Variants in TMEM132B observed in about 807,000 individuals in gnomAD.
TMEM132B encodes the protein transmembrane protein 132B.
Under a neutral mutation model 90.8 loss-of-function variants are expected in TMEM132B, and 18 were observed. The ratio of observed to expected loss-of-function variants is 0.20; its 90% CI spans 0.14 to 0.29. The LOEUF is 0.29. Ranked by LOEUF, TMEM132B falls within the 10% of genes least tolerant of loss-of-function variation. The probability of loss-of-function intolerance (pLI) is 1.00; values close to 1 mark genes in which losing one functional copy is unlikely to be tolerated. For missense variants in TMEM132B, 1,096 were observed against 1,326.8 expected, an observed-to-expected ratio of 0.83 and a Z score of 2.70; for synonymous variants, 504 against 523.3, an observed-to-expected ratio of 0.96 and a Z score of 0.50.
chr12:125,429,928 A>G (rs399018), intron 3 of TMEM132B, among the ~76,000 whole-genome samples: 123,767 of 152,158 alleles, frequency 0.81, 50,653 homozygotes, highest in East Asian at 0.88. Context: ...GCCCACGCTG[A>G]AGGGGTGGGG....
chr12:125,484,345 T>C (rs11058200), intron 3 of TMEM132B, among the ~76,000 whole-genome samples: 48,016 of 152,066 alleles, frequency 0.32, 7,784 homozygotes, highest in East Asian at 0.51. Flanking sequence ...CCTTTAGTAG[T>C]GGCTCCTTGA....
chr12:125,434,171 G>T (rs1384701561), intron 3 of TMEM132B, among the ~76,000 whole-genome samples: 1 of 152,102 alleles, frequency 6.6e-6, no homozygotes, highest in Admixed American at 6.5e-5. Flanking sequence ...ATTCCTTGGC[G>T]GGTGGCCCTG....
chr12:125,295,825 T>C (rs1386280695), intron 1 of TMEM132B, among the ~76,000 whole-genome samples: 5 of 152,160 alleles, frequency 3.3e-5, no homozygotes, highest in Admixed American at 3.3e-4. Flanking sequence ...AATGATGCCT[T>C]ATTCACAGGT....
chr12:125,603,645 A>G (rs140956160), intron 5 of TMEM132B, among the ~76,000 whole-genome samples: 238 of 152,384 alleles, frequency 1.6e-3, no homozygotes, highest in African/African-American at 5.0e-3. Context: ...GAAAGAAACT[A>G]TCATCAGAGT....
At chr12:125,302,406 T>C (rs1875854135) in intron 1 of TMEM132B, among the ~76,000 whole-genome samples, 1 of 151,446 alleles carries the variant, frequency 6.6e-6, no homozygotes, top group South Asian at 2.1e-4. Flanking sequence ...AAAAGAACTG[T>C]CCAGTGAGCC....
At chr12:125,377,385 G>A (rs1878525837) in intron 2 of TMEM132B, among the ~76,000 whole-genome samples, 1 of 152,188 alleles carries the variant, frequency 6.6e-6, no homozygotes, top group Admixed American at 6.5e-5. Flanking sequence ...GGGAGAAGGT[G>A]GAGGTGAAGT....
intron 3 of TMEM132B, among the ~76,000 whole-genome samples, chr12:125,513,510 G>A (rs890987820): frequency 4.6e-5 from 7 of 152,228 alleles, no homozygotes; most frequent in Admixed American, 1.3e-4. Context: ...GGGGTGGTCA[G>A]AGGAGGCTTT....
intron 1 of TMEM132B, among the ~76,000 whole-genome samples, chr12:125,325,139 G>A (rs531977195): frequency 2.0e-5 from 3 of 152,264 alleles, no homozygotes; most frequent in East Asian, 1.9e-4. Context: ...TCATGCCAGC[G>A]ATTTCTCAGG....
chr12:125,343,395 A>G (rs1381389099), intron 1 of TMEM132B, among the ~76,000 whole-genome samples: 4 of 152,186 alleles, frequency 2.6e-5, no homozygotes, highest in Non-Finnish European at 5.9e-5. Flanking sequence ...ACCATGGAGC[A>G]ATGAAAACCT....
At chr12:125,398,335 A>G (rs1360472716) in intron 2 of TMEM132B, among the ~76,000 whole-genome samples, 1 of 152,220 alleles carries the variant, frequency 6.6e-6, no homozygotes, top group Non-Finnish European at 1.5e-5. Context: ...ATTGAAAACC[A>G]TTGCCTGTAG....
At chr12:125,616,322 C>T (rs1021382179) in intron 5 of TMEM132B, among the ~76,000 whole-genome samples, 3 of 151,872 alleles carry the variant, frequency 2.0e-5, no homozygotes, top group African/African-American at 2.4e-5. Context: ...ACTTTTATAC[C>T]GTCTCGAGGT....
At chr12:125,303,133 G>A (rs1254967527) in intron 1 of TMEM132B, among the ~76,000 whole-genome samples, 1 of 151,748 alleles carries the variant, frequency 6.6e-6, no homozygotes, top group African/African-American at 2.4e-5. Context: ...TATCTATTAA[G>A]CAAAAACTCC....
intron 3 of TMEM132B, among the ~76,000 whole-genome samples, chr12:125,432,345 A>C (rs1880532688): frequency 8.0e-6 from 1 of 125,144 alleles, no homozygotes; most frequent in Non-Finnish European, 1.7e-5. Context: ...ACAATAGTGA[A>C]TGGGCCAAGG....
chr12:125,308,644 T>G (rs1406642833), intron 1 of TMEM132B, among the ~76,000 whole-genome samples: 1 of 152,180 alleles, frequency 6.6e-6, no homozygotes, highest in African/African-American at 2.4e-5. Context: ...GTAATTTTTA[T>G]TTTGAGGAAT....
intron 2 of TMEM132B, among the ~76,000 whole-genome samples, chr12:125,374,335 C>T (rs1878407241): frequency 6.6e-6 from 1 of 152,134 alleles, no homozygotes; most frequent in Admixed American, 6.5e-5. Context: ...ATGGCTTTTC[C>T]ATTTAAATTC....
chr12:125,347,942 A>T (rs1459813334), intron 1 of TMEM132B, among the ~76,000 whole-genome samples: 1 of 152,276 alleles, frequency 6.6e-6, no homozygotes, highest in Non-Finnish European at 1.5e-5. Context: ...ACATGGTTGT[A>T]ACAAATTAAA....
intron 5 of TMEM132B, among the ~76,000 whole-genome samples, chr12:125,623,003 C>T (rs746016578): frequency 3.4e-4 from 52 of 152,246 alleles, no homozygotes; most frequent in Non-Finnish European, 6.3e-4. Flanking sequence ...TATGTACAGA[C>T]CCTGAACACC....
intron 1 of TMEM132B, among the ~76,000 whole-genome samples, chr12:125,207,252 C>T (rs755591199): frequency 4.6e-5 from 7 of 152,204 alleles, no homozygotes; most frequent in Non-Finnish European, 1.0e-4. Context: ...TGACTATGGA[C>T]TGCAGGGAGT....
intron 1 of TMEM132B, among the ~76,000 whole-genome samples, chr12:125,328,421 C>A (rs1452223752): frequency 2.0e-5 from 3 of 152,196 alleles, no homozygotes; most frequent in African/African-American, 7.2e-5. Context: ...GTGTTAGTCT[C>A]CTGGGGCATC....
Sources: allele counts gnomAD v4.1 joint callset (sites outside exome capture counted in the v4.1 genomes callset), GRCh38; gene constraint gnomAD v4.1.1; transcripts MANE v1.5; gene names NCBI Gene and HGNC (gene_info 2026-07-23, HGNC 2026-07-21).